MAGI1: variants seen among roughly 807,000 people sequenced by gnomAD.
MAGI1 encodes the protein membrane associated guanylate kinase, WW and PDZ domain containing 1, also known as membrane-associated guanylate kinase, WW and PDZ domain-containing protein 1.
In MAGI1, 58 loss-of-function variants were observed where a neutral mutation model predicts 139.9. The ratio of observed to expected loss-of-function variants is 0.41; its 90% CI spans 0.34 to 0.52. MAGI1 has a LOEUF of 0.52. Among genes scored for constraint, MAGI1 ranks in the 20% least tolerant of loss-of-function variants. MAGI1 has a pLI of 0.12. For missense variants in MAGI1, 1,874 were observed against 1,901.6 expected (o/e 0.99, Z 0.27); for synonymous variants, 812 against 737.9 (o/e 1.10, Z -1.63).
At chr3:65,579,414 A>G (rs1452435927) in intron 2 of MAGI1, among the ~76,000 whole-genome samples, 1 of 152,166 alleles carries the variant, frequency 6.6e-6, no homozygotes, top group Non-Finnish European at 1.5e-5. Context: ...CCCATGCCCT[A>G]TGACTACCAG....
chr3:65,517,028 C>T (rs60740769), intron 2 of MAGI1, among the ~76,000 whole-genome samples: 26,598 of 151,678 alleles, frequency 0.18, 2,372 homozygotes, highest in South Asian at 0.25. Flanking sequence ...GCGCCCGGCC[C>T]CATCCCACCT....
chr3:66,003,422 A>G (rs61146550), intron 1 of MAGI1, among the ~76,000 whole-genome samples: 117,136 of 151,694 alleles, frequency 0.77, 45,731 homozygotes, highest in East Asian at 0.95. Flanking sequence ...TTGGGAGGCC[A>G]AGGTGGGTGG....
intron 1 of MAGI1, among the ~76,000 whole-genome samples, chr3:65,981,708 A>G (rs1348092559): frequency 6.6e-6 from 1 of 152,136 alleles, no homozygotes; most frequent in African/African-American, 2.4e-5. Flanking sequence ...GTGGTAGTGA[A>G]TAAGTCTCAC....
intron 1 of MAGI1, among the ~76,000 whole-genome samples, chr3:65,889,244 A>C (rs1055887228): frequency 5.3e-5 from 8 of 152,230 alleles, no homozygotes; most frequent in African/African-American, 1.9e-4. Flanking sequence ...TTAAATAAGC[A>C]AAGAAAGTAA....
chr3:65,593,027 A>G (rs548947800), intron 2 of MAGI1, among the ~76,000 whole-genome samples: 5 of 152,256 alleles, frequency 3.3e-5, no homozygotes, highest in Non-Finnish European at 7.4e-5. Flanking sequence ...CAAATATTAT[A>G]AGTTATTCTC....
intron 1 of MAGI1, among the ~76,000 whole-genome samples, chr3:65,746,750 G>T (rs1244210279): frequency 4.6e-5 from 7 of 152,084 alleles, no homozygotes; most frequent in Admixed American, 4.6e-4. Context: ...CCTCTTCACT[G>T]GTGAATATCT....
intron 1 of MAGI1, among the ~76,000 whole-genome samples, chr3:65,736,559 G>C (rs1285459931): frequency 1.3e-5 from 2 of 152,152 alleles, no homozygotes; most frequent in African/African-American, 4.8e-5. Context: ...CAGAAGGCTT[G>C]AGAACCTGGG....
rs1007237485 is a variant in MAGI1, at chr3:65,519,977, A to G, written c.431-26346T>C. On this transcript the variant is annotated intron_variant, in intron 2 of 22. Coordinates refer to ENST00000402939, the MANE Select transcript of MAGI1 (RefSeq NM_001033057.2). ...TTCTGCTTTGGTCCTTTGGCACAGCAGCTCTTAGAACATAACTGCCTCACT... is the reference window on the plus strand; with the variant it reads ...TTCTGCTTTGGTCCTTTGGCACAGCGGCTCTTAGAACATAACTGCCTCACT... Among the ~76,000 whole-genome samples, 4 of 152,266 alleles carry G rather than the reference A, an allele frequency of 2.6e-5. No homozygotes were observed. In the South Asian group the frequency reaches 8.3e-4, roughly 32 times the overall value.
intron 1 of MAGI1, among the ~76,000 whole-genome samples, chr3:65,938,269 G>A (rs558427835): frequency 9.4e-4 from 140 of 148,890 alleles, no homozygotes; most frequent in Middle Eastern, 7.2e-3. Context: ...TAATGTAAAT[G>A]TTATATTAAA....
intron 9 of MAGI1, among the ~76,000 whole-genome samples, chr3:65,438,577 G>T (rs974657729): frequency 6.6e-6 from 1 of 152,162 alleles, no homozygotes; most frequent in African/African-American, 2.4e-5. Flanking sequence ...ATTTCAATGG[G>T]TGAATGTACA....
chr3:65,926,331 C>CTG (rs1329547328), intron 1 of MAGI1, among the ~76,000 whole-genome samples: 1 of 135,258 alleles, frequency 7.4e-6, no homozygotes, highest in South Asian at 2.3e-4. Flanking sequence ...CTTCTTTTCT[C>CTG]TCTCTCTCTC....
chr3:65,919,108 C>T (rs546332761), intron 1 of MAGI1, among the ~76,000 whole-genome samples: 2 of 152,304 alleles, frequency 1.3e-5, no homozygotes, highest in African/African-American at 4.8e-5. Context: ...TTTTCATGAT[C>T]CTTGCTCAAC....
chr3:65,538,091 C>A (rs1272095763), intron 2 of MAGI1, among the ~76,000 whole-genome samples: 1 of 152,202 alleles, frequency 6.6e-6, no homozygotes, highest in Non-Finnish European at 1.5e-5. Flanking sequence ...GCTGAGATCA[C>A]ACCAATGCAC....
intron 1 of MAGI1, among the ~76,000 whole-genome samples, chr3:66,015,496 T>A: frequency 6.6e-6 from 1 of 152,096 alleles, no homozygotes; most frequent in East Asian, 1.9e-4. Context: ...TGCCTCAATT[T>A]CCTACTCTCA....
chr3:65,918,614 C>T (rs773931374), intron 1 of MAGI1, among the ~76,000 whole-genome samples: 2 of 152,102 alleles, frequency 1.3e-5, no homozygotes, highest in East Asian at 3.9e-4. Flanking sequence ...CTCGTGACCT[C>T]ATGATCCGCC....
intron 2 of MAGI1, among the ~76,000 whole-genome samples, chr3:65,506,342 C>A (rs181069978): frequency 6.6e-6 from 1 of 152,246 alleles, no homozygotes; most frequent in Non-Finnish European, 1.5e-5. Flanking sequence ...TATCTGCCCA[C>A]GCCCGCCCCC....
intron 1 of MAGI1, among the ~76,000 whole-genome samples, chr3:65,782,822 C>A (rs1358361107): frequency 1.3e-5 from 2 of 151,302 alleles, no homozygotes; most frequent in East Asian, 3.9e-4. Flanking sequence ...AACCTTTGAG[C>A]CAGACACTAT....
chr3:65,996,051 C>G (rs2066431760), intron 1 of MAGI1, among the ~76,000 whole-genome samples: 1 of 151,920 alleles, frequency 6.6e-6, no homozygotes, highest in African/African-American at 2.4e-5. Flanking sequence ...AAAAAATAAC[C>G]AGAGTTCTAA....
At chr3:65,487,586 T>C (rs1024756535) in intron 3 of MAGI1, among the ~76,000 whole-genome samples, 7 of 152,190 alleles carry the variant, frequency 4.6e-5, no homozygotes, top group Non-Finnish European at 8.8e-5. Context: ...TGTAAAGTCC[T>C]ACAACCGACC....
Sources: gnomAD v4.1 joint callset for allele counts (sites outside exome capture counted in the v4.1 genomes callset) on GRCh38, gnomAD v4.1.1 for gene constraint, MANE v1.5 for transcripts, NCBI Gene and HGNC (gene_info 2026-07-23, HGNC 2026-07-21) for gene names.